Variants in GALP observed in about 807,000 individuals in gnomAD.
GALP encodes the protein galanin like peptide, also known as galanin-like peptide.
In GALP, 12 loss-of-function variants were observed where a neutral mutation model predicts 15.2. The ratio of observed to expected loss-of-function variants is 0.79; its 90% CI spans 0.51 to 1.28. The LOEUF is 1.28. Among genes scored for constraint, GALP ranks in the 50% most tolerant of loss-of-function variants. The pLI is 0.00. For missense variants in GALP, 161 were observed against 145.6 expected, an observed-to-expected ratio of 1.11 and a Z score of -0.55; for synonymous variants, 58 against 55.1, an observed-to-expected ratio of 1.05 and a Z score of -0.23.
intron 3 of GALP, 99 bp from the exon 4 acceptor site, chr19:56,182,073 G>A (rs1244984594): frequency 1.3e-5 from 11 of 836,184 alleles, no homozygotes; most frequent in Non-Finnish European, 1.9e-5. Flanking sequence ...TGGTGGAGGC[G>A]CTGCGTCCGG....
chr19:56,182,434 T>A (rs200728), intron 4 of GALP, among the ~76,000 whole-genome samples, 182 bp downstream of exon 4: 49,617 of 152,122 alleles, frequency 0.33, 8,889 homozygotes, highest in South Asian at 0.46. Context: ...CCAGCTTGCT[T>A]TAATGTTCTT....
intron 5 of GALP, 29 bp downstream of exon 5, chr19:56,183,241 A>C: frequency 6.5e-7 from 1 of 1,549,986 alleles, no homozygotes; most frequent in Non-Finnish European, 8.9e-7. Context: ...GAAGAGAGAC[A>C]CCGACAGGAG....
At chr19:56,185,071 T>G (rs1599932367) in intron 5 of GALP, 144 bp from the exon 6 acceptor site, 1 of 574,796 alleles carries the variant, frequency 1.7e-6, no homozygotes, top group Non-Finnish European at 3.1e-6. Context: ...GAGGCTGAGG[T>G]GGGCAGATCA....
chr19:56,182,834 C>A (rs2032589508), intron 4 of GALP, among the ~76,000 whole-genome samples: 1 of 152,110 alleles, frequency 6.6e-6, no homozygotes, highest in Admixed American at 6.6e-5. Context: ...CTGGGATGAG[C>A]CGTCGCGCCC....
At chr19:56,180,166 G>A (rs1228541672) in intron 2 of GALP, among the ~76,000 whole-genome samples, 2 of 152,168 alleles carry the variant, frequency 1.3e-5, no homozygotes, top group East Asian at 3.9e-4. Context: ...TTCTGCTTCG[G>A]CCTCCCCAAA....
In GALP at chr19:56,183,139, G is replaced by A. The variant is rs1226643339; in HGVS notation, c.222G>A (p.Gly74=). 6.2e-7 allele frequency: 1 copy of A among 1,611,516 alleles called. No homozygotes were observed. Among genetic ancestry groups the A allele is most frequent in the African/African-American group, 1.3e-5 (1 of 74,822 alleles). The part of the protein sequence containing the change: ...EILDLWKAID[G]LPYSHPPQPS... ...ATGTTGTATTTTTGTTTCTAGACGG[G>A]CTCCCCTACTCCCACCCTCCACAGC... The change falls in exon 5 of 6, where the codon GGG becomes GGA. Residue 74 remains glycine, a synonymous_variant. Transcript: ENST00000357330.
At chr19:56,180,138 C>T (rs2122163716) in intron 2 of GALP, among the ~76,000 whole-genome samples, 1 of 152,332 alleles carries the variant, frequency 6.6e-6, no homozygotes, top group South Asian at 2.1e-4. Context: ...GCCTTGAACT[C>T]CTGTTCTCAA....
At chr19:56,179,528 C>T (rs1335154780) in intron 2 of GALP, among the ~76,000 whole-genome samples, 2 of 151,424 alleles carry the variant, frequency 1.3e-5, no homozygotes, top group Non-Finnish European at 2.9e-5. Context: ...ACGTGTTAGC[C>T]AGGATGGTCT....
In GALP at chr19:56,180,922, T is replaced by C. The variant is rs1211438653; in HGVS notation, c.136+288T>C. 5.2e-3 allele frequency among the ~76,000 whole-genome samples: 556 copies of C among 106,394 alleles called. 4 individuals carry two copies. The highest frequency in any genetic ancestry group is 0.018 in the African/African-American group (538 of 30,482). 69.8% of individuals were successfully genotyped at this position (106,394 alleles called of 152,430 possible). A position where few individuals can be genotyped will look rare whatever the true frequency, so the allele number is the denominator to read the frequency against. Reference sequence around the variant, plus strand: ...TTCTTTCTTTCTTTCTTTCTTTTTTTTTTTTTTTTTTTTTTGACAGAGTCT... The same window carrying C: ...TTCTTTCTTTCTTTCTTTCTTTTTTCTTTTTTTTTTTTTTTGACAGAGTCT... On this transcript the variant is annotated intron_variant, in intron 3 of 5. Transcript: ENST00000357330.
intron 2 of GALP, among the ~76,000 whole-genome samples, chr19:56,180,101 C>T (rs952051035): frequency 7.2e-5 from 11 of 152,026 alleles, no homozygotes; most frequent in Admixed American, 6.6e-5. Context: ...TTTGTAGAGG[C>T]GAGATTTCGC....
chr19:56,178,446 GAGCAATAACCCATCTCAAACAAAAACAAA>G (rs1182872551), intron 2 of GALP, among the ~76,000 whole-genome samples: 1 of 145,044 alleles, frequency 6.9e-6, no homozygotes, highest in Non-Finnish European at 1.5e-5. Flanking sequence ...CTGGGCGAAA[GAGCAATAACCCATCTCAAACAAAAACAAA>G]AACAAGAAAA....
chr19:56,182,009 C>T (rs1162479004), intron 3 of GALP, among the ~76,000 whole-genome samples, 163 bp from the exon 4 acceptor site: 7 of 152,110 alleles, frequency 4.6e-5, no homozygotes, highest in Admixed American at 6.5e-5. Context: ...TGCAGCTGCA[C>T]GATTTCCCCA....
intron 2 of GALP, among the ~76,000 whole-genome samples, chr19:56,177,432 A>C (rs1599926503): frequency 6.7e-6 from 1 of 148,852 alleles, no homozygotes; most frequent in South Asian, 2.1e-4. Flanking sequence ...AATCGCTTGA[A>C]CCTGGCAGGC....
At position 56,177,189 on chromosome 19, in the gene GALP, C is replaced by T. The variant is rs968209398; in HGVS notation, c.81C>T (p.Ala27=). 6.2e-7 allele frequency: 1 copy of T among 1,612,982 alleles called. No homozygotes were observed. Residue 27 remains alanine, a synonymous_variant, in exon 2 of 6, where the codon GCC becomes GCT. Transcript: ENST00000357330. ...SLAETPASAP[A]HRGRGGWTLN... is the part of the protein sequence containing the mutation. ...CAGAGACTCCAGCATCCGCACCTGC[C>T]CACCGGGTAACGCCTCCCTAAGTTC...
intron 2 of GALP, among the ~76,000 whole-genome samples, chr19:56,179,670 G>C (rs1160137000): frequency 6.8e-6 from 1 of 148,132 alleles, no homozygotes; most frequent in African/African-American, 2.5e-5. Flanking sequence ...TTGAGACAGA[G>C]TCTCGCTCTG....
intron 5 of GALP, among the ~76,000 whole-genome samples, chr19:56,183,679 C>T (rs567107329): frequency 1.3e-5 from 2 of 152,316 alleles, no homozygotes; most frequent in East Asian, 3.9e-4. Flanking sequence ...CTGACTGCAA[C>T]CTCCACCTTC....
At chr19:56,177,851 C>T (rs931601449) in intron 2 of GALP, among the ~76,000 whole-genome samples, 2 of 152,122 alleles carry the variant, frequency 1.3e-5, no homozygotes, top group African/African-American at 4.8e-5. Context: ...ACTCGGATGG[C>T]AGGCAGCTCT....
chr19:56,177,285 C>A, intron 2 of GALP, 90 bp downstream of exon 2: 1 of 1,076,942 alleles, frequency 9.3e-7, no homozygotes, highest in South Asian at 1.3e-5. Flanking sequence ...TGGCTTGTGT[C>A]AAGGGTCCTG....
intron 1 of GALP, 47 bp from the exon 2 acceptor site, chr19:56,177,023 C>A (rs979340093): frequency 1.1e-6 from 1 of 926,972 alleles, no homozygotes; most frequent in Non-Finnish European, 1.7e-6. Context: ...ATCGGAAATG[C>A]ACCTGGCCCC....
Sources: gnomAD v4.1 joint callset for allele counts (sites outside exome capture counted in the v4.1 genomes callset) on GRCh38, gnomAD v4.1.1 for gene constraint, MANE v1.5 for transcripts, NCBI Gene and HGNC (gene_info 2026-07-23, HGNC 2026-07-21) for gene names.